The following ADCY10 variants were observed in gnomAD, a reference collection of about 807,000 sequenced individuals.
The protein encoded by ADCY10 is adenylate cyclase 10.
A neutral mutation model predicts 183.3 loss-of-function variants in ADCY10; 156 were observed. The observed-to-expected ratio is 0.85, with a 90% confidence interval of 0.75 to 0.97. The LOEUF is 0.97. ADCY10 is among the 50% of genes least tolerant of loss of function. The pLI, the probability that ADCY10 is intolerant of heterozygous loss-of-function variation, is 0.00. For synonymous variants in ADCY10, 645 were observed against 670.0 expected, an observed-to-expected ratio of 0.96 and a Z score of 0.58; for missense variants, 1,745 against 1,934.3, an observed-to-expected ratio of 0.90 and a Z score of 1.84.
chr1:167,854,968 G>A (rs1665779453), intron 17 of ADCY10, among the ~76,000 whole-genome samples: 3 of 152,130 alleles, frequency 2.0e-5, no homozygotes, highest in Non-Finnish European at 4.4e-5. Context: ...ACTAAGATGG[G>A]CTGTAAACAG....
chr1:167,913,093 A>G (rs1309432568), intron 1 of ADCY10, among the ~76,000 whole-genome samples: 1 of 152,192 alleles, frequency 6.6e-6, no homozygotes, highest in Non-Finnish European at 1.5e-5. Context: ...TCAACTGTTC[A>G]GCCAATTCTA....
At position 167,810,905 on chromosome 1, in the gene ADCY10, C is replaced by G. The variant is rs1042677086; in HGVS notation, c.4491G>C (p.Glu1497Asp). 2 of 1,613,984 alleles carry G rather than the reference C, an allele frequency of 1.2e-6. No homozygotes were observed. The highest frequency in any genetic ancestry group is 1.3e-5 in the African/African-American group (1 of 74,902). Residue 1497 changes from glutamate to aspartate, a missense_variant, in exon 32 of 33, where the codon GAG becomes GAC. Transcript: ENST00000367851. ...ASGEELLKNL[E>D]NLVAQNTTGP... ...CAGTGGTATTTTGAGCCACCAGATT[C>G]TCCAAGTTCTAAAGAAAAAAAACCC...
intron 31 of ADCY10, among the ~76,000 whole-genome samples, chr1:167,817,028 ACCAC>A (rs1299695093): frequency 6.6e-6 from 1 of 152,124 alleles, no homozygotes; most frequent in African/African-American, 2.4e-5. Context: ...CCCAGACCAG[ACCAC>A]CCAGGCTTTG....
chr1:167,809,885 C>T, intron 32 of ADCY10, 46 bp from the exon 33 acceptor site: 1 of 1,590,486 alleles, frequency 6.3e-7, no homozygotes. Flanking sequence ...TGCTTCTTGA[C>T]TTTTGTAATC....
Position 167,826,300 on chromosome 1 carries a change from A to G in ADCY10, c.3751-1445T>C, listed in dbSNP as rs140507897. On this transcript the variant is annotated intron_variant, in intron 26 of 32. Transcript: ENST00000367851. ...CCTAGGACCTCTTGGATTTGGACCA[A>G]GAGAATGGAGGTCCAACTGCTTCAC... Among the ~76,000 whole-genome samples the G allele has an allele frequency of 1.8e-3, 277 of 152,362 alleles. 1 individual carries two copies. The highest frequency in any genetic ancestry group is 6.4e-3 in the African/African-American group (265 of 41,588).
intron 8 of ADCY10, among the ~76,000 whole-genome samples, chr1:167,886,946 T>C (rs1255600258): frequency 2.0e-5 from 3 of 152,078 alleles, no homozygotes; most frequent in South Asian, 4.1e-4. Context: ...GATGAAAAAA[T>C]GTTCATCATC....
intron 7 of ADCY10, among the ~76,000 whole-genome samples, chr1:167,895,707 C>T (rs550312334): frequency 8.4e-4 from 128 of 152,276 alleles, no homozygotes; most frequent in Non-Finnish European, 1.3e-3. Flanking sequence ...AGGTCTGAGA[C>T]TCGGGTGATG....
intron 1 of ADCY10, among the ~76,000 whole-genome samples, chr1:167,912,928 A>G (rs1408518298): frequency 6.6e-6 from 1 of 152,246 alleles, no homozygotes; most frequent in Non-Finnish European, 1.5e-5. Flanking sequence ...TGGAATATCC[A>G]GGTCTGTGGG....
intron 21 of ADCY10, among the ~76,000 whole-genome samples, chr1:167,838,222 C>T (rs1171985079): frequency 1.3e-5 from 2 of 152,218 alleles, no homozygotes; most frequent in Non-Finnish European, 2.9e-5. Flanking sequence ...TGCCCGTCAA[C>T]CCTGTGCAGA....
intron 17 of ADCY10, 72 bp from the exon 18 acceptor site, chr1:167,854,561 C>T: frequency 6.5e-7 from 1 of 1,531,408 alleles, no homozygotes; most frequent in Non-Finnish European, 9.0e-7. Context: ...TGTAAGTCTT[C>T]TCAATCACTT....
In ADCY10 at chr1:167,880,129, C is replaced by A. The variant is rs767810413; in HGVS notation, c.1202G>T (p.Arg401Ile). ...ACCCAGCACACCTGTGTACTCGTGT[C>A]TCACAGTGTGTCCAACGATCCCACA... ...VFCGIVGHTV[R>I]HEYTVIGQKV... The change falls in exon 11 of 33, where the codon AGA becomes ATA. Residue 401 changes from arginine (R) to isoleucine (I), a missense_variant. By Grantham distance (97) the Arg-to-Ile change is moderately conservative. Transcript: ENST00000367851. The A allele has an allele frequency of 6.2e-7, 1 of 1,612,684 alleles. No homozygotes were observed. Among genetic ancestry groups the A allele is most frequent in the Non-Finnish European group, 8.5e-7 (1 of 1,179,558 alleles).
intron 8 of ADCY10, among the ~76,000 whole-genome samples, chr1:167,892,011 TC>T (rs1668631681): frequency 1.3e-5 from 2 of 151,618 alleles, no homozygotes; most frequent in African/African-American, 4.9e-5. Flanking sequence ...TCTTGCTCTG[TC>T]CCCAAGGCTG....
At chr1:167,869,327 A>G (rs1415610532) in intron 14 of ADCY10, among the ~76,000 whole-genome samples, 1 of 152,234 alleles carries the variant, frequency 6.6e-6, no homozygotes, top group South Asian at 2.1e-4. Context: ...CAAGTGTACT[A>G]TATGAATCAC....
intron 15 of ADCY10, 100 bp downstream of exon 15, chr1:167,860,771 G>A (rs1027934594): frequency 1.2e-5 from 12 of 989,352 alleles, no homozygotes; most frequent in Non-Finnish European, 1.5e-5. Flanking sequence ...GGATACTGCA[G>A]ATATACAGAC....
In ADCY10 at chr1:167,878,455, G is replaced by T. The variant is rs765122293; in HGVS notation, c.1397C>A (p.Thr466Asn). 3.1e-5 allele frequency: 50 copies of T among 1,613,874 alleles called. No individual in the cohort carries two copies. The highest frequency in any genetic ancestry group is 2.0e-4 in the Admixed American group (12 of 60,012). The part of the protein sequence containing the change: ...SGPLYQYWGR[T>N]EKVMFGMACL... ...AATGCTCCACACTCACACTTTCTCA[G>T]TACGGCCCCAATACTGATACAATGG... Residue 466 changes from threonine to asparagine, a missense_variant, in exon 12 of 33, where the codon ACT (threonine) becomes AAT (asparagine). Transcript: ENST00000367851.
chr1:167,891,655 CAAA>C (rs774084079), intron 8 of ADCY10, among the ~76,000 whole-genome samples: 2 of 107,688 alleles, frequency 1.9e-5, no homozygotes, highest in Admixed American at 1.9e-4. Context: ...GACTCTGTCT[CAAA>C]AAAAAAAAAA....
Position 167,819,320 on chromosome 1 carries a change from A to T in ADCY10, c.4287-1053T>A, listed in dbSNP as rs1662731233. On this transcript the variant is annotated intron_variant, in intron 30 of 32. Coordinates refer to ENST00000367851, the MANE Select transcript of ADCY10 (RefSeq NM_018417.6). ...GGCTGGAGTACAATGGCACGATCTC[A>T]GCCCACTGCAACCTCTGCTTCCCTG... is the stretch of plus-strand genomic sequence containing the variant. Among the ~76,000 whole-genome samples the T allele has an allele frequency of 2.1e-5, 3 of 144,582 alleles. No individual in the cohort carries two copies. In the South Asian group the frequency reaches 6.5e-4, roughly 31 times the overall value. The allele number at this position is 144,582 out of a possible 152,430, so 94.9% of individuals were successfully genotyped here.
At position 167,829,263 on chromosome 1, in the gene ADCY10, C is replaced by G; in HGVS notation, c.3750+4G>C. Reference sequence around the variant, plus strand: ...TTAAAGGAGCAGCTACAAAAATCCCCTACCTGGAAACAATTTTGAGTTTCC... The same window carrying G: ...TTAAAGGAGCAGCTACAAAAATCCCGTACCTGGAAACAATTTTGAGTTTCC... On this transcript the variant is annotated splice_donor_region_variant and intron_variant, in intron 26 of 32. Coordinates refer to ENST00000367851, the MANE Select transcript of ADCY10 (RefSeq NM_018417.6). 6.2e-7 allele frequency: 1 copy of G among 1,613,964 alleles called. No individual in the cohort carries two copies. Among genetic ancestry groups the G allele is most frequent in the Non-Finnish European group, 8.5e-7 (1 of 1,179,894 alleles).
In ADCY10 at chr1:167,845,554, G is replaced by C; in HGVS notation, c.3007+9C>G. 6.2e-7 allele frequency: 1 copy of C among 1,613,170 alleles called. No individual in the cohort carries two copies. The highest frequency in any genetic ancestry group is 8.5e-7 in the Non-Finnish European group (1 of 1,179,128). On this transcript the variant is annotated intron_variant, in intron 21 of 32. Coordinates refer to ENST00000367851, the MANE Select transcript of ADCY10 (RefSeq NM_018417.6). ...ACAGTTAGGATAATTTTAAAATGAAGTAGGTTACTTTTAAATCCATGAGAC... is the reference window on the plus strand; with the variant it reads ...ACAGTTAGGATAATTTTAAAATGAACTAGGTTACTTTTAAATCCATGAGAC...
Sources: gnomAD v4.1 joint callset for allele counts (sites outside exome capture counted in the v4.1 genomes callset) on GRCh38, gnomAD v4.1.1 for gene constraint, MANE v1.5 for transcripts, NCBI Gene and HGNC (gene_info 2026-07-23, HGNC 2026-07-21) for gene names.